SIN3A: variants seen among roughly 807,000 people sequenced by gnomAD.
SIN3A encodes the protein paired amphipathic helix protein Sin3a.
A neutral mutation model predicts 146.1 loss-of-function variants in SIN3A; 14 were observed. The ratio of observed to expected loss-of-function variants is 0.10; its 90% CI spans 0.06 to 0.15. SIN3A has a LOEUF of 0.15. Among genes scored for constraint, SIN3A ranks in the 10% least tolerant of loss-of-function variants. SIN3A has a pLI of 1.00. For missense variants in SIN3A, 1,028 were observed against 1,576.0 expected (o/e 0.65, Z 5.89); for synonymous variants, 572 against 572.0 (o/e 1.00, Z 0.00).
At chr15:75,425,679 T>TTTTTTCAGAACTTTTTTCC (rs2141553090) in intron 2 of SIN3A, among the ~76,000 whole-genome samples, 1 of 152,294 alleles carries the variant, frequency 6.6e-6, no homozygotes, top group Non-Finnish European at 1.5e-5. Flanking sequence ...GCTACAAAAT[T>TTTTTTCAGAACTTTTTTCC]TTTTTCAGAA....
intron 2 of SIN3A, among the ~76,000 whole-genome samples, chr15:75,427,314 A>C (rs921387924): frequency 6.6e-6 from 1 of 152,066 alleles, no homozygotes; most frequent in African/African-American, 2.4e-5. Context: ...CAGAGGTTGC[A>C]GTGAGCCAAG....
intron 4 of SIN3A, 23 bp from the exon 5 acceptor site, chr15:75,413,068 G>A (rs1441849271): frequency 1.3e-6 from 2 of 1,580,040 alleles, no homozygotes; most frequent in Non-Finnish European, 8.6e-7. Context: ...AAAAAGAAAA[G>A]TGATAAACTG....
chr15:75,384,481 T>A, intron 16 of SIN3A, 44 bp from the exon 17 acceptor site: 1 of 1,460,130 alleles, frequency 6.8e-7, no homozygotes, highest in Non-Finnish European at 9.2e-7. Flanking sequence ...ACAGAAAACA[T>A]TTCTCCATTA....
At chr15:75,386,955 G>A (rs1182902975) in intron 16 of SIN3A, among the ~76,000 whole-genome samples, 1 of 152,122 alleles carries the variant, frequency 6.6e-6, no homozygotes, top group African/African-American at 2.4e-5. Context: ...ACAGGCATGT[G>A]CCACCATGCC....
At chr15:75,413,123 T>C (rs1161622433) in intron 4 of SIN3A, 78 bp from the exon 5 acceptor site, 2 of 1,452,806 alleles carry the variant, frequency 1.4e-6, no homozygotes, top group Non-Finnish European at 1.9e-6. Context: ...CATGTTTTTT[T>C]TTCTTTTGAG....
At chr15:75,453,544 T>TC (rs1056239690), upstream of SIN3A, 1 of 152,276 alleles carries the variant, frequency 6.6e-6, no homozygotes, top group African/African-American at 2.4e-5. Flanking sequence ...GCCCACGACT[T>TC]CCCGTGAACA....
intron 1 of SIN3A, among the ~76,000 whole-genome samples, chr15:75,438,374 AAAAC>A (rs1278821939): frequency 1.9e-5 from 2 of 102,764 alleles, no homozygotes; most frequent in Admixed American, 8.6e-5. Flanking sequence ...CTCAAAAAAC[AAAAC>A]AAACAAAAAA....
rs1258058545 is a variant in SIN3A, at chr15:75,435,665, T to C, written c.-33-5257A>G. ...GTGAGCCAAGATGGCGCCACTGCAC[T>C]CCAGCCTGGGCAACAAGAGTGAAAC... On this transcript the variant is annotated intron_variant, in intron 1 of 20. Coordinates refer to ENST00000394947, the MANE Select transcript of SIN3A (RefSeq NM_001145358.2). Among the ~76,000 whole-genome samples, 3 of 138,416 alleles carry C rather than the reference T, an allele frequency of 2.2e-5. No individual in the cohort carries two copies. The South Asian group carries it at 6.6e-4, about 31-fold the overall frequency. The allele number at this position is 138,416 out of a possible 152,430, so 90.8% of individuals were successfully genotyped here.
intron 3 of SIN3A, among the ~76,000 whole-genome samples, chr15:75,416,431 T>C (rs1228608638): frequency 6.6e-6 from 1 of 152,214 alleles, no homozygotes; most frequent in African/African-American, 2.4e-5. Flanking sequence ...GTTCAAGCGA[T>C]TCTCTTGCCT....
intron 16 of SIN3A, among the ~76,000 whole-genome samples, chr15:75,384,942 G>A (rs1376213132): frequency 6.6e-6 from 1 of 152,164 alleles, no homozygotes. Context: ...GGGAGGCCGA[G>A]GTGGGCCAAT....
In SIN3A at chr15:75,405,534, T is replaced by C. The variant is rs2073495932; in HGVS notation, c.1407+1521A>G. Among the ~76,000 whole-genome samples, 3 of 151,240 alleles carry C rather than the reference T, an allele frequency of 2.0e-5. No homozygotes were observed. The South Asian group carries it at 6.3e-4, about 32-fold the overall frequency. On this transcript the variant is annotated intron_variant, in intron 9 of 20. Coordinates refer to ENST00000394947, the MANE Select transcript of SIN3A (RefSeq NM_001145358.2). The stretch of plus-strand genomic sequence containing the variant: ...TTTTGGGAGGCTGAGGTGGATCACC[T>C]GAAGCCAGGAGTTCAAGACCAGCCT...
chr15:75,412,714 G>A, intron 5 of SIN3A, 49 bp downstream of exon 5: 1 of 1,464,468 alleles, frequency 6.8e-7, no homozygotes, highest in Non-Finnish European at 9.1e-7. Flanking sequence ...AAAGGAAGGT[G>A]CTCTCTAGGG....
At chr15:75,444,253 C>T (rs527746996) in intron 1 of SIN3A, among the ~76,000 whole-genome samples, 1 of 152,212 alleles carries the variant, frequency 6.6e-6, no homozygotes, top group East Asian at 1.9e-4. Flanking sequence ...CCAGCCTGGC[C>T]AATATGGTGA....
intron 4 of SIN3A, 27 bp downstream of exon 4, chr15:75,414,178 G>T: frequency 1.7e-6 from 2 of 1,192,566 alleles, no homozygotes; most frequent in Non-Finnish European, 2.4e-6. Flanking sequence ...CAGATACAAA[G>T]CTTGAGTACA....
At chr15:75,416,207 G>T (rs2073733366) in intron 3 of SIN3A, among the ~76,000 whole-genome samples, 1 of 152,190 alleles carries the variant, frequency 6.6e-6, no homozygotes, top group Admixed American at 6.5e-5. Flanking sequence ...TGTTTTGGTG[G>T]GAAGGATCAC....
chr15:75,427,533 G>A (rs912551832), intron 2 of SIN3A, among the ~76,000 whole-genome samples: 9 of 151,728 alleles, frequency 5.9e-5, no homozygotes, highest in Admixed American at 2.6e-4. Context: ...GGTGGTGCAC[G>A]CCTGTAATCC....
chr15:75,398,535 G>A (rs572868898), intron 12 of SIN3A, among the ~76,000 whole-genome samples: 161 of 152,168 alleles, frequency 1.1e-3, no homozygotes, highest in African/African-American at 3.5e-3. Flanking sequence ...AAAATTAGCC[G>A]GGTGTAGCGG....
At chr15:75,414,533 G>A (rs2073699347) in intron 3 of SIN3A, among the ~76,000 whole-genome samples, 1 of 152,054 alleles carries the variant, frequency 6.6e-6, no homozygotes, top group Non-Finnish European at 1.5e-5. Context: ...GGAAAATTTT[G>A]AACAGAATGA....
intron 18 of SIN3A, chr15:75,380,957 T>A (rs1362913079): frequency 2.5e-6 from 1 of 393,364 alleles, no homozygotes; most frequent in Non-Finnish European, 4.8e-6. Flanking sequence ...TGAGAAGTCA[T>A]AAACAGGTAG....
Sources: gnomAD v4.1 joint callset for allele counts (sites outside exome capture counted in the v4.1 genomes callset) on GRCh38, gnomAD v4.1.1 for gene constraint, MANE v1.5 for transcripts, NCBI Gene and HGNC (gene_info 2026-07-23, HGNC 2026-07-21) for gene names.